MTCL1: variants seen among roughly 807,000 people sequenced by gnomAD.
MTCL1 encodes microtubule cross-linking factor 1.
In MTCL1, 79 loss-of-function variants were observed where a neutral mutation model predicts 141.4. That is an observed-to-expected ratio of 0.56 (90% confidence interval 0.47 to 0.67). The LOEUF is 0.67. Among genes scored for constraint, MTCL1 ranks in the 30% least tolerant of loss-of-function variants. MTCL1 has a pLI of 0.00. For synonymous variants in MTCL1, 914 were observed against 875.8 expected, an observed-to-expected ratio of 1.04 and a Z score of -0.77; for missense variants, 2,177 against 2,113.9, an observed-to-expected ratio of 1.03 and a Z score of -0.59.
chr18:8,808,205 A>G (rs1270947254), intron 11 of MTCL1, among the ~76,000 whole-genome samples: 1 of 152,104 alleles, frequency 6.6e-6, no homozygotes. Flanking sequence ...TTTGACCTAG[A>G]TGCTCTGTTT....
intron 11 of MTCL1, chr18:8,809,485 A>T (rs1377099090): frequency 1.3e-6 from 2 of 1,535,972 alleles, no homozygotes; most frequent in Admixed American, 3.9e-5. Context: ...ATTGAGGAGG[A>T]GACTTTAGGC....
At chr18:8,727,593 T>C (rs528195727) in intron 4 of MTCL1, among the ~76,000 whole-genome samples, 17 of 152,222 alleles carry the variant, frequency 1.1e-4, no homozygotes, top group Non-Finnish European at 2.2e-4. Context: ...ATGTCTTCAA[T>C]TGAGAAATGT....
chr18:8,781,832 A>G (rs1014222803), intron 5 of MTCL1, among the ~76,000 whole-genome samples: 2 of 152,214 alleles, frequency 1.3e-5, no homozygotes, highest in African/African-American at 4.8e-5. Flanking sequence ...GTTTGACCCC[A>G]AGTCCAGCAG....
intron 9 of MTCL1, among the ~76,000 whole-genome samples, chr18:8,796,813 G>A (rs1165622701): frequency 2.0e-5 from 3 of 152,222 alleles, no homozygotes; most frequent in Non-Finnish European, 4.4e-5. Context: ...AAACCTGCAT[G>A]ATGTTCATGA....
chr18:8,783,556 G>C, exon 6 of MTCL1: 4 of 1,605,046 alleles, frequency 2.5e-6, no homozygotes, highest in Non-Finnish European at 3.4e-6. Flanking sequence ...TGAGGTGCCA[G>C]CTCCAGTTTG....
chr18:8,719,437 G>A (rs995583748), intron 3 of MTCL1, among the ~76,000 whole-genome samples: 2 of 152,220 alleles, frequency 1.3e-5, no homozygotes, highest in African/African-American at 4.8e-5. Context: ...AAGGCCTCTT[G>A]CCTCATTTGC....
In MTCL1 at chr18:8,824,911, A is replaced by G. The variant is rs766821936; in HGVS notation, c.3401A>G (p.Asp1134Gly). ...GGTGGGGGGCCGGACCTTTGGGCCG[A>G]CAGGACCGAGGTGGGGCGGGCAGGG... Residue 1134 changes from aspartate (D) to glycine (G), a missense_variant, in exon 15 of 17, where the codon GAC becomes GGC. Transcript: ENST00000359865. 1.9e-6 allele frequency: 3 copies of G among 1,613,796 alleles called. No homozygotes were observed. In the South Asian group the frequency reaches 3.3e-5, roughly 18 times the overall value.
chr18:8,743,284 T>G (rs1254466110), intron 4 of MTCL1, among the ~76,000 whole-genome samples: 1 of 152,250 alleles, frequency 6.6e-6, no homozygotes, highest in Non-Finnish European at 1.5e-5. Context: ...TGTAATCACA[T>G]GTTACATATT....
chr18:8,796,319 T>C, exon 9 of MTCL1: 1 of 1,614,180 alleles, frequency 6.2e-7, no homozygotes, highest in South Asian at 1.1e-5. Context: ...TGAGCGAACC[T>C]GGAGTGATGA....
Position 8,752,970 on chromosome 18 carries a change from C to T in MTCL1, c.358-24863C>T, listed in dbSNP as rs559605601. 2.6e-4 allele frequency among the ~76,000 whole-genome samples: 39 copies of T among 152,262 alleles called. 1 individual carries two copies. The South Asian group carries it at 3.3e-3, about 13-fold the overall frequency. On this transcript the variant is annotated intron_variant, in intron 4 of 16. Coordinates refer to ENST00000359865, the Ensembl canonical transcript of MTCL1. ...CAAATGCGTGGAGACGTCGCCGTAT[C>T]GAACATGGCCATCCTGACCTGCTCC...
At chr18:8,800,322 C>G (rs950218132) in intron 10 of MTCL1, 2 of 152,244 alleles carry the variant, frequency 1.3e-5, no homozygotes, top group Non-Finnish European at 2.9e-5. Flanking sequence ...AGCCGTTTTC[C>G]CAAGGACAAG....
chr18:8,805,489 A>G (rs987638364), intron 10 of MTCL1, among the ~76,000 whole-genome samples: 1 of 152,144 alleles, frequency 6.6e-6, no homozygotes, highest in African/African-American at 2.4e-5. Context: ...CATCCATCCA[A>G]AGTATCTTAA....
intron 4 of MTCL1, among the ~76,000 whole-genome samples, chr18:8,739,422 G>A (rs1317909525): frequency 6.6e-6 from 1 of 152,190 alleles, no homozygotes; most frequent in East Asian, 1.9e-4. Context: ...GCTAGAATAT[G>A]AATGCGCTTC....
chr18:8,725,771 ATTTTCTTTTTTTTT>A (rs1173021434), intron 4 of MTCL1, among the ~76,000 whole-genome samples: 2 of 98,718 alleles, frequency 2.0e-5, no homozygotes, highest in East Asian at 3.0e-4. Flanking sequence ...TTTTGGTGCC[ATTTTCTTTTTTTTT>A]TTTTCTTTTT....
chr18:8,714,833 A>G (rs943142298), upstream of MTCL1, among the ~76,000 whole-genome samples: 7 of 151,658 alleles, frequency 4.6e-5, no homozygotes, highest in African/African-American at 1.5e-4. Context: ...GTCTCACTCC[A>G]TCGCCCAGGC....
intron 4 of MTCL1, among the ~76,000 whole-genome samples, chr18:8,774,278 T>TGTGTGTGTA (rs1568007976): frequency 8.9e-5 from 9 of 101,072 alleles, no homozygotes; most frequent in Admixed American, 1.8e-4. Flanking sequence ...GTGTGTGTAT[T>TGTGTGTGTA]TTTTTTTAAG....
In MTCL1 at chr18:8,726,606, G is replaced by A. The variant is rs184974827; in HGVS notation, c.357+6110G>A. 2.9e-3 allele frequency among the ~76,000 whole-genome samples: 436 copies of A among 151,902 alleles called. 4 individuals carry two copies. Among genetic ancestry groups the A allele is most frequent in the Middle Eastern group, 0.024 (7 of 292 alleles). ...TCATAAAGATATTAACCCCATCATG[G>A]GGCCAAGGCCCCACCTCCATAGAAC... On this transcript the variant is annotated intron_variant, in intron 4 of 16. Coordinates refer to ENST00000359865, the Ensembl canonical transcript of MTCL1.
intron 11 of MTCL1, among the ~76,000 whole-genome samples, chr18:8,811,528 TATAC>T (rs1435859716): frequency 3.3e-5 from 5 of 150,498 alleles, no homozygotes; most frequent in African/African-American, 9.9e-5. Flanking sequence ...TTTATATATA[TATAC>T]ATATATATAT....
chr18:8,705,609 C>T (rs190839699), upstream of MTCL1: 47 of 1,190,886 alleles, frequency 3.9e-5, no homozygotes, highest in Admixed American at 1.4e-4. The surrounding 1 kb of genome is among the most constrained non-coding windows in gnomAD (Gnocchi z 5.2). Context: ...GCCGCCGCCG[C>T]CGTCGTCGTC....
Sources: gnomAD v4.1 joint callset for allele counts (sites outside exome capture counted in the v4.1 genomes callset) on GRCh38, gnomAD v4.1.1 for gene constraint, Gnocchi (gnomAD v3.1) non-coding constraint, MANE v1.5 for transcripts, NCBI Gene and HGNC (gene_info 2026-07-23, HGNC 2026-07-21) for gene names.